The following ADAM18 variants were observed in gnomAD, a reference collection of about 807,000 sequenced individuals.
ADAM18 encodes the protein disintegrin and metalloproteinase domain-containing protein 18.
A neutral mutation model predicts 94.4 loss-of-function variants in ADAM18; 117 were observed. That is an observed-to-expected ratio of 1.24 (90% CI 1.07 to 1.45). ADAM18 has a LOEUF of 1.45. ADAM18 is among the 40% of genes most tolerant of loss of function. ADAM18 has a pLI of 0.00. For missense variants in ADAM18, 936 were observed against 880.0 expected, an observed-to-expected ratio of 1.06 and a Z score of -0.81; for synonymous variants, 327 against 291.6, an observed-to-expected ratio of 1.12 and a Z score of -1.24.
chr8:39,614,509 A>G (rs1344918347), intron 6 of ADAM18, among the ~76,000 whole-genome samples: 2 of 152,306 alleles, frequency 1.3e-5, no homozygotes, highest in Non-Finnish European at 2.9e-5. Flanking sequence ...ACAGGGCACA[A>G]AAGAACACTA....
intron 14 of ADAM18, among the ~76,000 whole-genome samples, chr8:39,672,512 A>T (rs907862779): frequency 2.0e-5 from 3 of 152,224 alleles, no homozygotes; most frequent in Non-Finnish European, 4.4e-5. Flanking sequence ...TGAGCAGCCA[A>T]TGAGGGTACT....
chr8:39,707,191 G>A (rs139256048), intron 18 of ADAM18, among the ~76,000 whole-genome samples: 2 of 152,238 alleles, frequency 1.3e-5, no homozygotes, highest in Admixed American at 1.3e-4. Context: ...ATGCCATGGC[G>A]TCTCCTTTGC....
intron 6 of ADAM18, among the ~76,000 whole-genome samples, chr8:39,617,665 T>C (rs1222811928): frequency 6.6e-6 from 1 of 152,182 alleles, no homozygotes; most frequent in Non-Finnish European, 1.5e-5. Context: ...CCATAAAGAA[T>C]ACTGAAATTA....
At chr8:39,610,945 G>A in intron 6 of ADAM18, 1 of 1,216,236 alleles carries the variant, frequency 8.2e-7, no homozygotes, top group Non-Finnish European at 1.0e-6. Flanking sequence ...CAAACAAAAT[G>A]ATACTATTGA....
At chr8:39,627,356 A>G (rs116610676) in intron 6 of ADAM18, among the ~76,000 whole-genome samples, 1,798 of 152,212 alleles carry the variant, frequency 0.012, 44 homozygotes, top group African/African-American at 0.042. Context: ...ATTCACTTCA[A>G]TGAGAACAGT....
chr8:39,706,898 A>G lies in ADAM18; in HGVS notation c.2011A>G (p.Lys671Glu). Residue 671 changes from lysine (K) to glutamate (E), a missense_variant, in exon 18 of 20, where the codon AAA (lysine) becomes GAA (glutamate). Physicochemically the swap from Lys to Glu is moderately conservative, Grantham distance 56 (BLOSUM62 1). Coordinates refer to ENST00000265707, the MANE Select transcript of ADAM18 (RefSeq NM_014237.3). Reference sequence around the variant, plus strand: ...TAGTATTGATGATGGAAATTTTCAGAAATCTGGTAAGTGGAAATTTGTTTT... The same window carrying G: ...TAGTATTGATGATGGAAATTTTCAGGAATCTGGTAAGTGGAAATTTGTTTT... Reference protein sequence around the residue: ...GGSIDDGNFQKSGDFYTEKGY... With the variant: ...GGSIDDGNFQESGDFYTEKGY... The G allele has an allele frequency of 6.4e-7, 1 of 1,566,298 alleles. No individual in the cohort carries two copies. Among genetic ancestry groups the G allele is most frequent in the East Asian group, 2.2e-5 (1 of 44,564 alleles).
chr8:39,610,893 A>T (rs1344127021), intron 6 of ADAM18, 187 bp downstream of exon 6: 16 of 1,261,144 alleles, frequency 1.3e-5, no homozygotes, highest in African/African-American at 1.6e-5. Context: ...CAAGCTTAAT[A>T]TTTTATGATG....
chr8:39,618,244 C>T (rs1382399164), intron 6 of ADAM18, among the ~76,000 whole-genome samples: 1 of 152,110 alleles, frequency 6.6e-6, no homozygotes, highest in African/African-American at 2.4e-5. Flanking sequence ...CTAGTGAAAA[C>T]TGGGTCCAGG....
intron 6 of ADAM18, among the ~76,000 whole-genome samples, chr8:39,619,603 C>T (rs773944275): frequency 6.6e-6 from 1 of 152,046 alleles, no homozygotes; most frequent in Non-Finnish European, 1.5e-5. Flanking sequence ...CAATAATAAC[C>T]TATCTGATAA....
intron 18 of ADAM18, among the ~76,000 whole-genome samples, chr8:39,709,020 G>A (rs1822319345): frequency 6.6e-6 from 1 of 152,218 alleles, no homozygotes; most frequent in Admixed American, 6.5e-5. Context: ...TCCTTTTCAT[G>A]TGAGGTGGTA....
At chr8:39,689,688 G>A (rs1281842429) in intron 16 of ADAM18, among the ~76,000 whole-genome samples, 3 of 152,078 alleles carry the variant, frequency 2.0e-5, no homozygotes, top group Non-Finnish European at 2.9e-5. Context: ...CTCATTTTTT[G>A]TTTTATGTGA....
At chr8:39,712,458 T>C (rs915129447) in intron 18 of ADAM18, among the ~76,000 whole-genome samples, 10 of 152,094 alleles carry the variant, frequency 6.6e-5, no homozygotes, top group Admixed American at 2.0e-4. Context: ...TCAGGCAAGA[T>C]AAAGAAATAA....
chr8:39,619,125 T>C (rs1207010699), intron 6 of ADAM18, among the ~76,000 whole-genome samples: 1 of 152,116 alleles, frequency 6.6e-6, no homozygotes, highest in South Asian at 2.1e-4. Context: ...GATAAAACAA[T>C]CACAAATATC....
At chr8:39,719,521 G>A (rs1320093862) in intron 18 of ADAM18, among the ~76,000 whole-genome samples, 1 of 151,138 alleles carries the variant, frequency 6.6e-6, no homozygotes, top group Non-Finnish European at 1.5e-5. Flanking sequence ...GGAATAAAAG[G>A]GCAAGCCACT....
chr8:39,691,027 A>G (rs1479603389), intron 16 of ADAM18, among the ~76,000 whole-genome samples: 1 of 152,226 alleles, frequency 6.6e-6, no homozygotes, highest in Non-Finnish European at 1.5e-5. Context: ...GTCCTAAAAA[A>G]GAATGAAATC....
chr8:39,589,926 C>G, intron 2 of ADAM18, among the ~76,000 whole-genome samples: 1 of 149,052 alleles, frequency 6.7e-6, no homozygotes, highest in African/African-American at 2.5e-5. Flanking sequence ...ATTAAAAAGT[C>G]AGGAAACAAC....
Position 39,723,780 on chromosome 8 carries a change from C to T in ADAM18, c.2050C>T (p.His684Tyr), listed in dbSNP as rs779754418. Residue 684 changes from histidine to tyrosine, a missense_variant, in exon 19 of 20, where the codon CAC becomes TAC. Physicochemically the swap from His to Tyr is moderately conservative, Grantham distance 83. Coordinates refer to ENST00000265707, the MANE Select transcript of ADAM18 (RefSeq NM_014237.3). Reference protein sequence around the residue: ...DFYTEKGYNTHWNNWFILSFC... With the variant: ...DFYTEKGYNTYWNNWFILSFC... The stretch of plus-strand genomic sequence containing the variant: ...TTATACTGAAAAAGGCTACAATACA[C>T]ACTGGAACAACTGGTTTATTCTGAG... The T allele has an allele frequency of 1.1e-5, 18 of 1,578,780 alleles. No individual in the cohort carries two copies. The South Asian group carries it at 1.7e-4, about 15-fold the overall frequency.
intron 6 of ADAM18, chr8:39,611,435 C>A: frequency 1.1e-6 from 1 of 949,554 alleles, no homozygotes; most frequent in Non-Finnish European, 1.2e-6. Context: ...AAAAAAAAAT[C>A]CCATGAAGCT....
chr8:39,638,682 T>C (rs1820155729), intron 10 of ADAM18, 136 bp downstream of exon 10: 1 of 443,138 alleles, frequency 2.3e-6, no homozygotes, highest in African/African-American at 2.1e-5. Flanking sequence ...ATTATTTTAT[T>C]GGGACAAAAT....
Sources: gnomAD v4.1 joint callset for allele counts (sites outside exome capture counted in the v4.1 genomes callset) on GRCh38, gnomAD v4.1.1 for gene constraint, MANE v1.5 for transcripts, NCBI Gene and HGNC (gene_info 2026-07-23, HGNC 2026-07-21) for gene names.